The following CNTNAP2 variants were observed in gnomAD, a reference collection of about 807,000 sequenced individuals.
CNTNAP2 encodes contactin associated protein 2.
CNTNAP2 carries 98 observed loss-of-function variants against 155.2 expected under a neutral mutation model. That is an observed-to-expected ratio of 0.63 (90% CI 0.54 to 0.75). The LOEUF (loss-of-function observed/expected upper bound fraction) is 0.75, where lower values mean the gene tolerates loss of function less well. CNTNAP2 is among the 30% of genes least tolerant of loss of function. The pLI is 0.00. For missense variants in CNTNAP2, 1,727 were observed against 1,688.1 expected (o/e 1.02, Z -0.40); for synonymous variants, 651 against 631.2 (o/e 1.03, Z -0.47).
At chr7:146,467,434 G>A (rs1563095314) in intron 1 of CNTNAP2, among the ~76,000 whole-genome samples, 1 of 152,176 alleles carries the variant, frequency 6.6e-6, no homozygotes, top group East Asian at 1.9e-4. Context: ...TAGGTTTTCA[G>A]GTCATTTCTG....
intron 21 of CNTNAP2, among the ~76,000 whole-genome samples, chr7:148,310,973 G>A (rs1288375625): frequency 2.0e-5 from 3 of 152,160 alleles, no homozygotes; most frequent in African/African-American, 4.8e-5. Context: ...TGGAGATGAA[G>A]AGTAAAGGAA....
chr7:146,648,527 A>C (rs538423019), intron 1 of CNTNAP2, among the ~76,000 whole-genome samples: 1 of 152,154 alleles, frequency 6.6e-6, no homozygotes, highest in African/African-American at 2.4e-5. Context: ...TAAAAAACTA[A>C]TATTTTCTTA....
chr7:146,507,468 C>T (rs1354643953), intron 1 of CNTNAP2, among the ~76,000 whole-genome samples: 1 of 152,194 alleles, frequency 6.6e-6, no homozygotes, highest in Non-Finnish European at 1.5e-5. Context: ...CCAAGTAATT[C>T]CTGTTTTTGT....
At chr7:147,085,511 A>G (rs10256846) in intron 4 of CNTNAP2, among the ~76,000 whole-genome samples, 82,013 of 151,784 alleles carry the variant, frequency 0.54, 25,597 homozygotes, top group East Asian at 0.74. Flanking sequence ...TCATCCCAAA[A>G]CCCACCCCCA....
rs1799989324 is a variant in CNTNAP2 at position 148,416,338 on chromosome 7, C to G, written c.*722C>G. The G allele has an allele frequency of 6.6e-6, 1 of 152,160 alleles. No individual in the cohort carries two copies. The highest frequency in any genetic ancestry group is 2.4e-5 in the African/African-American group (1 of 41,238). The allele number at this position is 152,160 out of a possible 1,614,324, so 9.4% of individuals were successfully genotyped here. ...AGGTAGTTTGATTTTTCATTGAATTCTACAAGCTAATATTGTTCCACGTAT... is the reference window on the plus strand; with the variant it reads ...AGGTAGTTTGATTTTTCATTGAATTGTACAAGCTAATATTGTTCCACGTAT... On this transcript the variant is annotated 3_prime_UTR_variant, in exon 24 of 24. Coordinates refer to ENST00000361727, the MANE Select transcript of CNTNAP2 (RefSeq NM_014141.6).
At chr7:146,749,211 G>C (rs1027735792) in intron 1 of CNTNAP2, among the ~76,000 whole-genome samples, 1 of 152,034 alleles carries the variant, frequency 6.6e-6, no homozygotes, top group Non-Finnish European at 1.5e-5. Flanking sequence ...ATATGTGTAT[G>C]TATCTATATG....
chr7:146,934,044 G>T (rs1042112828), intron 3 of CNTNAP2, among the ~76,000 whole-genome samples: 5 of 152,050 alleles, frequency 3.3e-5, no homozygotes, highest in African/African-American at 4.8e-5. Flanking sequence ...GTTTCCTCAG[G>T]GATCTAGAAC....
intron 1 of CNTNAP2, among the ~76,000 whole-genome samples, chr7:146,428,915 G>T (rs1329083093): frequency 6.6e-6 from 1 of 151,982 alleles, no homozygotes; most frequent in African/African-American, 2.4e-5. Context: ...TCTCTCTTGG[G>T]TTAATTTTTC....
chr7:146,157,257 A>C (rs1798141107), intron 1 of CNTNAP2, among the ~76,000 whole-genome samples: 2 of 152,112 alleles, frequency 1.3e-5, no homozygotes, highest in Non-Finnish European at 2.9e-5. Context: ...ACTCTTCTTC[A>C]ATAATAACAT....
At chr7:148,408,976 T>C (rs1234048063) in intron 22 of CNTNAP2, among the ~76,000 whole-genome samples, 1 of 152,226 alleles carries the variant, frequency 6.6e-6, no homozygotes, top group Non-Finnish European at 1.5e-5. Flanking sequence ...AACTTTTTAA[T>C]ACTGTAGCTG....
intron 13 of CNTNAP2, among the ~76,000 whole-genome samples, chr7:147,831,339 C>T (rs531514836): frequency 3.3e-5 from 5 of 152,250 alleles, no homozygotes; most frequent in Admixed American, 2.0e-4. Context: ...ACCTTGAAAA[C>T]GCATACACTC....
At chr7:146,851,253 G>A (rs1794872393) in intron 3 of CNTNAP2, among the ~76,000 whole-genome samples, 1 of 151,980 alleles carries the variant, frequency 6.6e-6, no homozygotes, top group Admixed American at 6.6e-5. Context: ...CCAGAGTGCT[G>A]GAATTACAGG....
At chr7:147,147,623 T>G (rs181440830) in intron 8 of CNTNAP2, among the ~76,000 whole-genome samples, 4 of 152,278 alleles carry the variant, frequency 2.6e-5, no homozygotes, top group African/African-American at 9.6e-5. Context: ...ATTTTGCATC[T>G]TCTTTCAGTA....
intron 8 of CNTNAP2, among the ~76,000 whole-genome samples, chr7:147,232,909 G>A (rs1376489647): frequency 6.6e-6 from 1 of 152,158 alleles, no homozygotes; most frequent in Non-Finnish European, 1.5e-5. Flanking sequence ...GATGAATGTG[G>A]TTTCTCTAGT....
chr7:147,111,822 T>G (rs1800886181), intron 5 of CNTNAP2, among the ~76,000 whole-genome samples: 1 of 152,184 alleles, frequency 6.6e-6, no homozygotes, highest in African/African-American at 2.4e-5. Context: ...TTTGTTCTTT[T>G]TTCTTAGGAT....
chr7:147,080,444 T>G (rs1309456535), intron 4 of CNTNAP2, among the ~76,000 whole-genome samples: 2 of 151,996 alleles, frequency 1.3e-5, no homozygotes, highest in Non-Finnish European at 2.9e-5. Flanking sequence ...GTGAAGAGAC[T>G]TAATAATTAA....
chr7:146,968,095 T>C (rs1048563886), intron 3 of CNTNAP2, among the ~76,000 whole-genome samples: 1 of 149,838 alleles, frequency 6.7e-6, no homozygotes. Flanking sequence ...TGGTTCTGTT[T>C]ATATGCTGGA....
intron 4 of CNTNAP2, chr7:147,082,060 A>G (rs1272509104): frequency 6.6e-6 from 1 of 152,192 alleles, no homozygotes; most frequent in Non-Finnish European, 1.5e-5. Flanking sequence ...GGTCTGTTCA[A>G]GCAGGAAATA....
At chr7:147,494,983 A>G (rs1004626051) in intron 11 of CNTNAP2, among the ~76,000 whole-genome samples, 3 of 152,310 alleles carry the variant, frequency 2.0e-5, no homozygotes, top group Admixed American at 1.3e-4. Context: ...CTCATTCAAC[A>G]ATATTATGCA....
Sources: gnomAD v4.1 joint callset for allele counts (sites outside exome capture counted in the v4.1 genomes callset) on GRCh38, gnomAD v4.1.1 for gene constraint, MANE v1.5 for transcripts, NCBI Gene and HGNC (gene_info 2026-07-23, HGNC 2026-07-21) for gene names.